The following DCC variants were observed in gnomAD, a reference collection of about 807,000 sequenced individuals.
DCC encodes the protein DCC netrin 1 receptor, also known as netrin receptor DCC.
Under a neutral mutation model 172.5 loss-of-function variants are expected in DCC, and 58 were observed. The ratio of observed to expected loss-of-function variants is 0.34; its 90% CI spans 0.27 to 0.42. DCC has a LOEUF of 0.42. DCC is among the 10% of genes least tolerant of loss of function. The pLI, the probability that DCC is intolerant of heterozygous loss-of-function variation, is 1.00. For synonymous variants in DCC, 709 were observed against 644.5 expected, an observed-to-expected ratio of 1.10 and a Z score of -1.52; for missense variants, 1,740 against 1,791.0, an observed-to-expected ratio of 0.97 and a Z score of 0.51.
intron 2 of DCC, among the ~76,000 whole-genome samples, chr18:52,785,251 A>T (rs1183486679): frequency 6.6e-6 from 1 of 152,038 alleles, no homozygotes; most frequent in African/African-American, 2.4e-5. Context: ...TATCTTTAAC[A>T]TGTGTAGTCC....
chr18:53,082,142 A>C (rs2042816198), intron 7 of DCC, among the ~76,000 whole-genome samples: 1 of 152,124 alleles, frequency 6.6e-6, no homozygotes, highest in African/African-American at 2.4e-5. Context: ...GTATTCTTTA[A>C]ACTACCCTCG....
At chr18:53,529,038 T>TCACACA (rs140593675) in intron 28 of DCC, among the ~76,000 whole-genome samples, 2,564 of 65,094 alleles carry the variant, frequency 0.039, 78 homozygotes, top group East Asian at 0.088. Context: ...TCTCTCTCTC[T>TCACACA]CACACACACA....
At chr18:52,549,887 G>T (rs956913582) in intron 1 of DCC, among the ~76,000 whole-genome samples, 1 of 150,416 alleles carries the variant, frequency 6.6e-6, no homozygotes, top group Non-Finnish European at 1.5e-5. Flanking sequence ...GAAGAATTTT[G>T]AATAATCTAA....
chr18:53,112,500 T>C (rs1438464573), intron 7 of DCC, among the ~76,000 whole-genome samples: 9 of 151,476 alleles, frequency 5.9e-5, no homozygotes, highest in Non-Finnish European at 1.5e-5. Context: ...CTGCCTTTAT[T>C]AAGTGCAGTG....
intron 2 of DCC, among the ~76,000 whole-genome samples, chr18:52,791,076 C>A (rs1416267912): frequency 4.6e-5 from 7 of 152,036 alleles, no homozygotes; most frequent in African/African-American, 1.7e-4. Context: ...GTGGTTGGAG[C>A]TGGCCCCAGA....
At chr18:52,550,841 G>A (rs1438655359) in intron 1 of DCC, among the ~76,000 whole-genome samples, 1 of 151,416 alleles carries the variant, frequency 6.6e-6, no homozygotes, top group Non-Finnish European at 1.5e-5. Context: ...ATAGGTGTGG[G>A]GTGTATGGGA....
intron 14 of DCC, among the ~76,000 whole-genome samples, chr18:53,323,923 G>A (rs1421527360): frequency 6.6e-6 from 1 of 151,732 alleles, no homozygotes; most frequent in Non-Finnish European, 1.5e-5. Context: ...ATATGATGAA[G>A]TTTGTAAGAT....
intron 3 of DCC, among the ~76,000 whole-genome samples, chr18:52,923,439 A>G (rs186171011): frequency 1.3e-5 from 2 of 152,256 alleles, no homozygotes; most frequent in East Asian, 3.9e-4. Flanking sequence ...CTGATAAGTA[A>G]ACAATTCCTG....
At chr18:53,332,797 C>T (rs2057545128) in intron 14 of DCC, among the ~76,000 whole-genome samples, 1 of 9,956 alleles carries the variant, frequency 1.0e-4, no homozygotes, top group African/African-American at 1.1e-4. Context: ...TATCAAAACC[C>T]ATAGAGCTAT....
chr18:53,180,941 A>T (rs1361125603), intron 9 of DCC, among the ~76,000 whole-genome samples: 1 of 152,058 alleles, frequency 6.6e-6, no homozygotes, highest in Non-Finnish European at 1.5e-5. Context: ...TGCTTTATTG[A>T]CTTTCTCTTC....
chr18:53,322,000 T>G, intron 13 of DCC, 47 bp from the exon 14 acceptor site: 1 of 1,004,748 alleles, frequency 1.0e-6, no homozygotes, highest in South Asian at 1.3e-5. Flanking sequence ...GTAGGAATAC[T>G]TGGTGCATAG....
At chr18:53,292,457 C>T (rs62097986) in intron 12 of DCC, among the ~76,000 whole-genome samples, 5 of 151,968 alleles carry the variant, frequency 3.3e-5, no homozygotes, top group Admixed American at 1.3e-4. Context: ...GAGGCCAAGG[C>T]GGGCAGATCA....
At chr18:53,044,634 A>G (rs545938246) in intron 5 of DCC, among the ~76,000 whole-genome samples, 7 of 151,892 alleles carry the variant, frequency 4.6e-5, no homozygotes, top group Non-Finnish European at 8.8e-5. Context: ...TTCTCAAAGT[A>G]CTTACAGCCT....
At chr18:52,838,938 G>A (rs1056328032) in intron 2 of DCC, among the ~76,000 whole-genome samples, 1 of 152,094 alleles carries the variant, frequency 6.6e-6, no homozygotes, top group African/African-American at 2.4e-5. Flanking sequence ...AGCTGGTTCT[G>A]GGAAAAGAAA....
At chr18:53,475,297 G>A (rs761029585) in intron 25 of DCC, among the ~76,000 whole-genome samples, 2 of 152,182 alleles carry the variant, frequency 1.3e-5, no homozygotes, top group African/African-American at 2.4e-5. Context: ...TCAATGAGGA[G>A]CTGACTGTTA....
chr18:52,500,474 C>T (rs796596339), intron 1 of DCC, among the ~76,000 whole-genome samples: 5 of 152,244 alleles, frequency 3.3e-5, no homozygotes, highest in African/African-American at 9.6e-5. Flanking sequence ...GAAAAAGAAA[C>T]AATTAGAACC....
At chr18:53,009,428 G>C (rs2041694640) in intron 5 of DCC, among the ~76,000 whole-genome samples, 1 of 151,882 alleles carries the variant, frequency 6.6e-6, no homozygotes, top group Non-Finnish European at 1.5e-5. Flanking sequence ...GTGTCAATAA[G>C]ACACTAAAAC....
At chr18:53,280,440 A>T (rs1268566440) in intron 12 of DCC, among the ~76,000 whole-genome samples, 15 of 152,138 alleles carry the variant, frequency 9.9e-5, no homozygotes, top group Admixed American at 9.8e-4. Context: ...TTCAATCTCC[A>T]ATCTTGTTCC....
At chr18:52,666,149 C>T (rs569745253) in intron 1 of DCC, among the ~76,000 whole-genome samples, 5 of 152,030 alleles carry the variant, frequency 3.3e-5, no homozygotes, top group South Asian at 2.1e-4. Context: ...CAAAATTAGC[C>T]GGGTGTGGTG....
Sources: allele counts gnomAD v4.1 joint callset (sites outside exome capture counted in the v4.1 genomes callset), GRCh38; gene constraint gnomAD v4.1.1; transcripts MANE v1.5; gene names NCBI Gene and HGNC (gene_info 2026-07-23, HGNC 2026-07-21).